Variants in ZFAND6 observed in about 807,000 individuals in gnomAD.
ZFAND6 encodes zinc finger AN1-type containing 6.
In ZFAND6, 12 loss-of-function variants were observed where a neutral mutation model predicts 24.5. The ratio of observed to expected loss-of-function variants is 0.49; its 90% CI spans 0.31 to 0.79. ZFAND6 has a LOEUF of 0.79. Ranked by LOEUF, ZFAND6 falls within the 30% of genes least tolerant of loss-of-function variation. ZFAND6 has a pLI of 0.04. For missense variants in ZFAND6, 207 were observed against 245.9 expected (o/e 0.84, Z 1.06); for synonymous variants, 92 against 81.5 (o/e 1.13, Z -0.69).
intron 2 of ZFAND6, among the ~76,000 whole-genome samples, chr15:80,111,746 G>A (rs1459074337): frequency 1.3e-5 from 2 of 152,116 alleles, no homozygotes; most frequent in African/African-American, 2.4e-5. Context: ...TTAACTAAAC[G>A]TGTATTTTTT....
At chr15:80,064,109 A>G (rs1257103577) in intron 1 of ZFAND6, among the ~76,000 whole-genome samples, 1 of 152,048 alleles carries the variant, frequency 6.6e-6, no homozygotes, top group Non-Finnish European at 1.5e-5. Flanking sequence ...TAAGTTTATT[A>G]TTTTTTTCTT....
At chr15:80,121,895 G>A in intron 4 of ZFAND6, 75 bp downstream of exon 4, 3 of 1,230,594 alleles carry the variant, frequency 2.4e-6, no homozygotes, top group Non-Finnish European at 3.4e-6. Context: ...TGATTAATAA[G>A]GAAAACTACG....
At chr15:80,104,644 C>T (rs997122807) in intron 2 of ZFAND6, among the ~76,000 whole-genome samples, 5 of 152,122 alleles carry the variant, frequency 3.3e-5, no homozygotes, top group African/African-American at 1.2e-4. Flanking sequence ...TAGATGAAAT[C>T]CTCTTATGTT....
Position 80,064,991 on chromosome 15 carries a change from T to C in ZFAND6, c.-181+5182T>C, listed in dbSNP as rs1209956994. ...CAGTGTTGTCTTTTCTCTTGCTCTC[T>C]CTCTCTCCCCCTTTTTTTTTTTTTT... On this transcript the variant is annotated intron_variant, in intron 1 of 6. Coordinates refer to ENST00000261749, the MANE Select transcript of ZFAND6 (RefSeq NM_019006.4). Among the ~76,000 whole-genome samples the C allele has an allele frequency of 8.5e-5, 11 of 129,006 alleles. No homozygotes were observed. The Admixed American group carries it at 1.0e-3, about 12-fold the overall frequency. The allele number at this position is 129,006 out of a possible 152,430, so 84.6% of individuals were successfully genotyped here.
intron 2 of ZFAND6, among the ~76,000 whole-genome samples, chr15:80,119,837 A>G (rs2142011077): frequency 6.6e-6 from 1 of 152,348 alleles, no homozygotes; most frequent in African/African-American, 2.4e-5. Flanking sequence ...CATTCAGCCC[A>G]GTTCTCCATA....
intron 1 of ZFAND6, among the ~76,000 whole-genome samples, chr15:80,080,273 A>T (rs2037581329): frequency 6.6e-6 from 1 of 152,164 alleles, no homozygotes. Flanking sequence ...CTAGGGTTAC[A>T]GGCATGAGCC....
intron 1 of ZFAND6, among the ~76,000 whole-genome samples, chr15:80,079,003 G>C (rs2037464010): frequency 1.3e-5 from 2 of 151,534 alleles, no homozygotes; most frequent in South Asian, 4.2e-4. Flanking sequence ...TTGTCATTTA[G>C]CATTAGGTAT....
intron 1 of ZFAND6, among the ~76,000 whole-genome samples, chr15:80,069,508 C>G (rs542667502): frequency 6.6e-6 from 1 of 152,300 alleles, no homozygotes; most frequent in South Asian, 2.1e-4. Context: ...TCAAACTCCC[C>G]AACTCCTCAT....
At chr15:80,090,446 T>TA (rs2038288770) in intron 1 of ZFAND6, among the ~76,000 whole-genome samples, 6 of 152,198 alleles carry the variant, frequency 3.9e-5, no homozygotes, top group Admixed American at 3.3e-4. Context: ...TCTAAATAGT[T>TA]ACTACTACCT....
chr15:80,108,687 A>G (rs777914246), intron 2 of ZFAND6, among the ~76,000 whole-genome samples: 1 of 152,184 alleles, frequency 6.6e-6, no homozygotes, highest in Non-Finnish European at 1.5e-5. Flanking sequence ...CTGAATGGAA[A>G]AGATGCCCAA....
chr15:80,129,727 T>A (rs777535432), intron 5 of ZFAND6: 4 of 152,182 alleles, frequency 2.6e-5, no homozygotes, highest in Non-Finnish European at 5.9e-5. Context: ...AATTTTAATA[T>A]GAAAAGTGCT....
intron 3 of ZFAND6, 40 bp downstream of exon 3, chr15:80,120,538 A>G (rs760139338): frequency 1.4e-6 from 2 of 1,434,246 alleles, no homozygotes; most frequent in Non-Finnish European, 1.9e-6. Context: ...TTCATAATTG[A>G]AATACAAGTG....
intron 6 of ZFAND6, among the ~76,000 whole-genome samples, chr15:80,133,198 T>G (rs557320133): frequency 1.0e-5 from 1 of 95,468 alleles, no homozygotes; most frequent in Admixed American, 1.1e-4. Context: ...GTTTGTTTTT[T>G]GTTTTTTTTT....
At chr15:80,101,441 C>T (rs978886399) in intron 2 of ZFAND6, among the ~76,000 whole-genome samples, 6 of 151,888 alleles carry the variant, frequency 4.0e-5, no homozygotes, top group Non-Finnish European at 8.8e-5. Flanking sequence ...CCAGCCTGGG[C>T]GACAAGGCAA....
At chr15:80,080,442 T>C (rs1390104275) in intron 1 of ZFAND6, among the ~76,000 whole-genome samples, 1 of 152,232 alleles carries the variant, frequency 6.6e-6, no homozygotes, top group Non-Finnish European at 1.5e-5. Context: ...TATACATAAA[T>C]ACCTATGACA....
intron 2 of ZFAND6, among the ~76,000 whole-genome samples, chr15:80,109,666 G>C (rs1422641333): frequency 1.3e-5 from 2 of 152,192 alleles, no homozygotes; most frequent in Non-Finnish European, 2.9e-5. Flanking sequence ...TTTGTAAGTT[G>C]GGAAGCCACT....
chr15:80,082,149 C>T (rs1299244271), intron 1 of ZFAND6, among the ~76,000 whole-genome samples: 2 of 152,098 alleles, frequency 1.3e-5, no homozygotes, highest in Non-Finnish European at 2.9e-5. Flanking sequence ...ATGGAGTATA[C>T]ATAGGATATG....
At chr15:80,130,810 A>G (rs1450085412) in intron 5 of ZFAND6, 1 of 178,636 alleles carries the variant, frequency 5.6e-6, no homozygotes, top group Admixed American at 6.2e-5. Context: ...AACAATATTA[A>G]GAACTATGCA....
chr15:80,059,200 A>C (rs935846113), upstream of ZFAND6, among the ~76,000 whole-genome samples: 3 of 152,242 alleles, frequency 2.0e-5, no homozygotes, highest in African/African-American at 7.2e-5. Context: ...GGGAAGACAG[A>C]AGCTCAGAAT....
Sources: gnomAD v4.1 joint callset for allele counts (sites outside exome capture counted in the v4.1 genomes callset) on GRCh38, gnomAD v4.1.1 for gene constraint, MANE v1.5 for transcripts, NCBI Gene and HGNC (gene_info 2026-07-23, HGNC 2026-07-21) for gene names.